AQR: variants seen among roughly 807,000 people sequenced by gnomAD.
AQR encodes aquarius intron-binding spliceosomal factor, also known as RNA helicase aquarius.
AQR carries 61 observed loss-of-function variants against 180.5 expected under a neutral mutation model. That is an observed-to-expected ratio of 0.34 (90% confidence interval 0.28 to 0.42). The LOEUF is 0.42. AQR is among the 10% of genes least tolerant of loss of function. AQR has a pLI of 1.00. For synonymous variants in AQR, 551 were observed against 588.8 expected (o/e 0.94, Z 0.93); for missense variants, 1,281 against 1,798.3 (o/e 0.71, Z 5.20).
rs1394579560 is a variant in AQR at position 34,906,637 on chromosome 15, C to T, written c.1739G>A (p.Arg580Lys). ...GCCAACCTGCTCAATAAAAGGTCTC[C>T]TCCGGTCAAACTTAGTGCCATAAGG... ...TKPYGTKFDR[R>K]RPFIEQVGLV... The change falls in exon 18 of 35, where the codon AGG (arginine) becomes AAG (lysine). Residue 580 changes from arginine (R) to lysine (K), a missense_variant. Arg to Lys is a conservative substitution (Grantham distance 26). Coordinates refer to ENST00000156471, the MANE Select transcript of AQR (RefSeq NM_014691.3). 1 of 1,613,986 alleles carries T rather than the reference C, an allele frequency of 6.2e-7. No homozygotes were observed. Among genetic ancestry groups the T allele is most frequent in the Non-Finnish European group, 8.5e-7 (1 of 1,180,004 alleles).
At chr15:34,897,743 C>T (rs117298567) in intron 20 of AQR, 38 bp from the exon 21 acceptor site, 58,068 of 1,607,474 alleles carry the variant, frequency 0.036, 1,210 homozygotes, top group Middle Eastern at 0.05. Flanking sequence ...TTGCAATTAA[C>T]AAGGATTTAC....
chr15:34,958,974 TATATAG>T (rs11270252), intron 3 of AQR, among the ~76,000 whole-genome samples: 21,467 of 149,194 alleles, frequency 0.14, 1,941 homozygotes, highest in East Asian at 0.24. Flanking sequence ...TACATATAGA[TATATAG>T]ATATAGATAT....
chr15:34,943,586 T>C lies in AQR; in HGVS notation c.471+702A>G, dbSNP rs1250163845. 3.3e-5 allele frequency among the ~76,000 whole-genome samples: 5 copies of C among 152,212 alleles called. No homozygotes were observed. The South Asian group carries it at 1.0e-3, about 32-fold the overall frequency. ...TGAGATAGTACATGGAAACAGGTAA[T>C]AATCATCCATCTATTAACACTCAGT... On this transcript the variant is annotated intron_variant, in intron 6 of 34. Coordinates refer to ENST00000156471, the MANE Select transcript of AQR (RefSeq NM_014691.3).
At chr15:34,967,104 G>A (rs756658623) in intron 1 of AQR, among the ~76,000 whole-genome samples, 39 of 151,722 alleles carry the variant, frequency 2.6e-4, no homozygotes, top group Admixed American at 1.2e-3. Flanking sequence ...TCGAACTCCC[G>A]ACCTCAGGTG....
In AQR at chr15:34,856,081, C is replaced by T. The variant is rs1892582515; in HGVS notation, c.*711G>A. 6.5e-6 allele frequency: 1 copy of T among 152,966 alleles called. No homozygotes were observed. The highest frequency in any genetic ancestry group is 1.5e-5 in the Non-Finnish European group (1 of 68,606). 9.5% of individuals were successfully genotyped at this position (152,966 alleles called of 1,614,324 possible). A position where few individuals can be genotyped will look rare whatever the true frequency, so the allele number is the denominator to read the frequency against. ...ATTTAGCTGATGACAAATCCTGGCT[C>T]AGCCTAACCAGCCTTGGCTGATGCC... On this transcript the variant is annotated 3_prime_UTR_variant, in exon 35 of 35. Transcript: ENST00000156471.
chr15:34,894,801 T>C (rs1363292979), intron 22 of AQR, among the ~76,000 whole-genome samples: 5 of 152,154 alleles, frequency 3.3e-5, no homozygotes, highest in African/African-American at 1.2e-4. Context: ...AAGTAGGCTA[T>C]GAAAAGTTAA....
intron 29 of AQR, 162 bp downstream of exon 29, chr15:34,874,515 C>T (rs541865433): frequency 3.1e-5 from 20 of 653,918 alleles, no homozygotes; most frequent in Non-Finnish European, 4.9e-5. Context: ...GGTCCATTCA[C>T]ATCTCTTGCA....
chr15:34,892,595 T>C (rs1276158659), intron 23 of AQR, among the ~76,000 whole-genome samples: 1 of 152,206 alleles, frequency 6.6e-6, no homozygotes, highest in Admixed American at 6.5e-5. Context: ...AGTAGCTCAA[T>C]AGCAGATACT....
rs200241700 is a variant in AQR, at chr15:34,852,174, G to GT, written c.*4617dup. 12,333 of 138,642 alleles carry GT rather than the reference G, an allele frequency of 0.089. 895 individuals are homozygous for GT. The highest frequency in any genetic ancestry group is 0.2 in the African/African-American group (7,642 of 37,534). 8.6% of individuals were successfully genotyped at this position (138,642 alleles called of 1,614,324 possible). ...CCAAGGAAATAGCTACCTAAGTTAT[G>GT]TTTTTTTTTTTTTTTTGAAGGAGTT... is the stretch of plus-strand genomic sequence containing the variant. On this transcript the variant is annotated 3_prime_UTR_variant, in exon 35 of 35. Coordinates refer to ENST00000156471, the MANE Select transcript of AQR (RefSeq NM_014691.3).
In AQR at chr15:34,906,538, A is replaced by AC; in HGVS notation, c.1831+6dup. ...ACATACTCTTTCAAAAATATAGGTC[A>AC]CCATACCATCTTCAATGACACGTCC... On this transcript the variant is annotated splice_region_variant and intron_variant, in intron 18 of 34. Coordinates refer to ENST00000156471, the MANE Select transcript of AQR (RefSeq NM_014691.3). 6.2e-7 allele frequency: 1 copy of AC among 1,613,700 alleles called. No homozygotes were observed. The highest frequency in any genetic ancestry group is 8.5e-7 in the Non-Finnish European group (1 of 1,179,770).
chr15:34,919,861 G>A (rs896895171), intron 14 of AQR, among the ~76,000 whole-genome samples: 8 of 152,000 alleles, frequency 5.3e-5, no homozygotes, highest in Admixed American at 1.3e-4. Context: ...TCACGCCACT[G>A]CACTCCAGCC....
chr15:34,872,499 C>G (rs994320451), intron 30 of AQR, among the ~76,000 whole-genome samples: 6 of 152,052 alleles, frequency 3.9e-5, no homozygotes, highest in African/African-American at 1.4e-4. Flanking sequence ...GGCAATGAAA[C>G]TGACTCAAAG....
At chr15:34,903,191 CA>C (rs1893358984) in intron 19 of AQR, among the ~76,000 whole-genome samples, 1 of 151,900 alleles carries the variant, frequency 6.6e-6, no homozygotes, top group Non-Finnish European at 1.5e-5. Flanking sequence ...TAAAAAACAG[CA>C]AAAAGGACAG....
rs865877702 is a variant in AQR at position 34,895,201 on chromosome 15, T to A, written c.2461-1428A>T. Among the ~76,000 whole-genome samples, 563 of 61,392 alleles carry A rather than the reference T, an allele frequency of 9.2e-3. 8 individuals are homozygous for A. Among genetic ancestry groups the A allele is most frequent in the Middle Eastern group, 0.015 (1 of 66 alleles). 40.3% of individuals were successfully genotyped at this position (61,392 alleles called of 152,430 possible). ...AAAAAAAAAAAAATATATATATATA[T>A]ATATATATATATATATATATGAAAC... On this transcript the variant is annotated intron_variant, in intron 22 of 34. Transcript: ENST00000156471.
chr15:34,945,577 T>C (rs1039768239), intron 5 of AQR, among the ~76,000 whole-genome samples: 1 of 152,228 alleles, frequency 6.6e-6, no homozygotes. Context: ...TCTTCCTTTC[T>C]GTATTTCTAT....
At chr15:34,950,583 C>T (rs1894212642) in intron 4 of AQR, among the ~76,000 whole-genome samples, 1 of 100,790 alleles carries the variant, frequency 9.9e-6, no homozygotes, top group Non-Finnish European at 2.5e-5. Context: ...TATCTTGTTT[C>T]TTTCTCACAT....
At chr15:34,917,399 T>C (rs1893611185) in intron 15 of AQR, among the ~76,000 whole-genome samples, 1 of 152,222 alleles carries the variant, frequency 6.6e-6, no homozygotes, top group African/African-American at 2.4e-5. Context: ...AATGCACTTT[T>C]GCATATACTC....
chr15:34,867,975 T>C (rs1892761031), intron 31 of AQR: 1 of 190,006 alleles, frequency 5.3e-6, no homozygotes. Flanking sequence ...TAACTTAGTA[T>C]GCTTATTTAT....
chr15:34,956,033 T>C (rs1307421993), intron 3 of AQR, among the ~76,000 whole-genome samples: 2 of 151,990 alleles, frequency 1.3e-5, no homozygotes, highest in East Asian at 3.9e-4. Flanking sequence ...CATATTATAA[T>C]GATAAAAAAA....
Sources: allele counts gnomAD v4.1 joint callset (sites outside exome capture counted in the v4.1 genomes callset), GRCh38; gene constraint gnomAD v4.1.1; transcripts MANE v1.5; gene names NCBI Gene and HGNC (gene_info 2026-07-23, HGNC 2026-07-21).